Variants in WWOX observed in about 807,000 individuals in gnomAD.
The protein encoded by WWOX is WW domain containing oxidoreductase, also known as WW domain-containing oxidoreductase.
WWOX carries 69 observed loss-of-function variants against 46.2 expected under a neutral mutation model. The ratio of observed to expected loss-of-function variants is 1.49; its 90% confidence interval spans 1.23 to 1.82. WWOX has a LOEUF of 1.82. WWOX is among the 40% of genes most tolerant of loss of function. The pLI is 0.00. For missense variants in WWOX, 919 were observed against 542.6 expected, an observed-to-expected ratio of 1.69 and a Z score of -6.89; for synonymous variants, 359 against 202.6, an observed-to-expected ratio of 1.77 and a Z score of -6.56.
At chr16:79,141,748 G>T (rs2050093524) in intron 8 of WWOX, among the ~76,000 whole-genome samples, 1 of 151,924 alleles carries the variant, frequency 6.6e-6, no homozygotes, top group African/African-American at 2.4e-5. Flanking sequence ...GGGCCAGAAG[G>T]AAGCAGTGTC....
At chr16:78,491,154 C>G (rs1275665535) in intron 8 of WWOX, among the ~76,000 whole-genome samples, 1 of 152,182 alleles carries the variant, frequency 6.6e-6, no homozygotes, top group Admixed American at 6.5e-5. Flanking sequence ...GCTCTCCATC[C>G]TTCAAAATCC....
At chr16:78,851,074 G>C (rs941593212) in intron 8 of WWOX, among the ~76,000 whole-genome samples, 3 of 152,144 alleles carry the variant, frequency 2.0e-5, no homozygotes, top group Non-Finnish European at 4.4e-5. Context: ...GGACAGTGAG[G>C]CCAGGTGACT....
chr16:78,394,334 A>C (rs146940999), intron 6 of WWOX, among the ~76,000 whole-genome samples: 213 of 152,284 alleles, frequency 1.4e-3, no homozygotes, highest in Admixed American at 3.5e-3. Flanking sequence ...TCTAGCTCTT[A>C]ATTATGATTT....
At chr16:79,090,192 G>A (rs939521077) in intron 8 of WWOX, 1 of 152,064 alleles carries the variant, frequency 6.6e-6, no homozygotes, top group Non-Finnish European at 1.5e-5. Flanking sequence ...AAAAAGGGCT[G>A]TTTCTTGACT....
rs61298369 is a variant in WWOX at position 78,563,490 on chromosome 16, A to AACACAC, written c.1056+130759_1056+130764dup. The stretch of plus-strand genomic sequence containing the variant: ...CAGGATACGGGCACTCGTGTGGGTG[A>AACACAC]ACACACACACACACACACACACACA... On this transcript the variant is annotated intron_variant, in intron 8 of 8. Transcript: ENST00000566780. Among the ~76,000 whole-genome samples, 166 of 137,866 alleles carry AACACAC rather than the reference A, an allele frequency of 1.2e-3. 1 individual carries two copies. The South Asian group carries it at 0.017, about 14-fold the overall frequency. The allele number at this position is 137,866 out of a possible 152,430, so 90.4% of individuals were successfully genotyped here. A position where few individuals can be genotyped will look rare whatever the true frequency, so the allele number is the denominator to read the frequency against.
chr16:79,001,703 G>C (rs2047096062), intron 8 of WWOX, among the ~76,000 whole-genome samples: 1 of 151,568 alleles, frequency 6.6e-6, no homozygotes. Flanking sequence ...TAGACCTCAG[G>C]CATGAAGGGA....
chr16:78,759,979 C>A (rs1006514647), intron 8 of WWOX, among the ~76,000 whole-genome samples: 1 of 152,164 alleles, frequency 6.6e-6, no homozygotes, highest in Non-Finnish European at 1.5e-5. Context: ...TTCCCTCTTA[C>A]AATGACCCTT....
chr16:78,326,003 G>C (rs187129405), intron 5 of WWOX, among the ~76,000 whole-genome samples: 43 of 152,336 alleles, frequency 2.8e-4, no homozygotes, highest in East Asian at 2.1e-3. Context: ...CTCTTTTGCA[G>C]ATGAGGAAAT....
intron 8 of WWOX, among the ~76,000 whole-genome samples, chr16:78,590,993 T>G (rs879852429): frequency 2.0e-5 from 3 of 152,128 alleles, no homozygotes; most frequent in Non-Finnish European, 4.4e-5. Flanking sequence ...GGGGTACACG[T>G]ACAAGGCGCT....
intron 8 of WWOX, among the ~76,000 whole-genome samples, chr16:79,120,336 C>T (rs563385231): frequency 2.0e-5 from 3 of 152,280 alleles, no homozygotes; most frequent in South Asian, 2.1e-4. Context: ...CGCATTTACC[C>T]TACAGAGCTG....
At chr16:78,465,592 T>A (rs2084056050) in intron 8 of WWOX, among the ~76,000 whole-genome samples, 1 of 152,238 alleles carries the variant, frequency 6.6e-6, no homozygotes, top group Non-Finnish European at 1.5e-5. Context: ...GGACCCATAA[T>A]CTCTGAATTT....
chr16:78,894,433 C>T (rs1158281248), intron 8 of WWOX, among the ~76,000 whole-genome samples: 1 of 152,136 alleles, frequency 6.6e-6, no homozygotes, highest in East Asian at 1.9e-4. Flanking sequence ...ATCATAAAGT[C>T]CTAGACTATT....
intron 8 of WWOX, among the ~76,000 whole-genome samples, chr16:78,483,322 C>T (rs1597148106): frequency 1.3e-5 from 2 of 151,714 alleles, no homozygotes; most frequent in African/African-American, 2.4e-5. Flanking sequence ...TGAGGTGTGC[C>T]TCCGCTTTCA....
chr16:78,925,498 C>G (rs535893237), intron 8 of WWOX, among the ~76,000 whole-genome samples: 25 of 152,290 alleles, frequency 1.6e-4, no homozygotes, highest in African/African-American at 6.0e-4. Flanking sequence ...AAGTTCCCAG[C>G]GTCTTAACCA....
At chr16:79,047,280 G>C (rs181308834) in intron 8 of WWOX, among the ~76,000 whole-genome samples, 87 of 152,316 alleles carry the variant, frequency 5.7e-4, no homozygotes, top group African/African-American at 1.9e-3. Flanking sequence ...ACTTGTGTGA[G>C]AAGCAAGTCT....
At chr16:79,050,894 T>A (rs1269131754) in intron 8 of WWOX, among the ~76,000 whole-genome samples, 1 of 152,154 alleles carries the variant, frequency 6.6e-6, no homozygotes, top group African/African-American at 2.4e-5. Flanking sequence ...TCTGCATTCA[T>A]CAATATAAGC....
intron 8 of WWOX, among the ~76,000 whole-genome samples, chr16:78,970,242 T>C (rs1384599738): frequency 6.6e-6 from 1 of 152,180 alleles, no homozygotes; most frequent in Non-Finnish European, 1.5e-5. Flanking sequence ...CGGTGTTGGC[T>C]CTCAGTTAGA....
chr16:78,797,960 C>T (rs2050787860), intron 8 of WWOX, among the ~76,000 whole-genome samples: 1 of 152,184 alleles, frequency 6.6e-6, no homozygotes, highest in Non-Finnish European at 1.5e-5. Context: ...TGCCCTCAAC[C>T]CTGGGTGACA....
intron 8 of WWOX, among the ~76,000 whole-genome samples, chr16:79,079,154 A>G (rs1198022255): frequency 6.6e-6 from 1 of 152,194 alleles, no homozygotes; most frequent in African/African-American, 2.4e-5. Context: ...CCAAGTAGAT[A>G]TTTAGGGACA....
Sources: gnomAD v4.1 joint callset for allele counts (sites outside exome capture counted in the v4.1 genomes callset) on GRCh38, gnomAD v4.1.1 for gene constraint, MANE v1.5 for transcripts, NCBI Gene and HGNC (gene_info 2026-07-23, HGNC 2026-07-21) for gene names.